TRPV4: variants seen among roughly 807,000 people sequenced by gnomAD.
The protein encoded by TRPV4 is OSM9-like transient receptor potential channel 4.
In TRPV4, 58 loss-of-function variants were observed where a neutral mutation model predicts 84.1. The observed-to-expected ratio is 0.69, with a 90% CI of 0.56 to 0.86. The LOEUF is 0.86. Ranked by LOEUF, TRPV4 falls within the 40% of genes least tolerant of loss-of-function variation. The pLI is 0.00. For missense variants in TRPV4, 879 were observed against 1,181.1 expected (o/e 0.74, Z 3.75); for synonymous variants, 489 against 500.9 (o/e 0.98, Z 0.32).
rs1245479748 is a variant in TRPV4, at chr12:109,800,593, C to G, written c.853+25G>C. 6.2e-6 allele frequency: 10 copies of G among 1,613,824 alleles called. No homozygotes were observed. The South Asian group carries it at 1.1e-4, about 18-fold the overall frequency. On this transcript the variant is annotated intron_variant, in intron 5 of 15. Transcript: ENST00000261740. ...CCGCCATGCTTCTCCAGCATGCTGTCAGCCCCCACCAGGCCCCTCCTTACC... is the reference window on the plus strand; with the variant it reads ...CCGCCATGCTTCTCCAGCATGCTGTGAGCCCCCACCAGGCCCCTCCTTACC...
intron 7 of TRPV4, among the ~76,000 whole-genome samples, chr12:109,795,816 C>T (rs1287290410): frequency 2.6e-5 from 4 of 152,102 alleles, no homozygotes; most frequent in East Asian, 3.8e-4. Flanking sequence ...GGCATGATCT[C>T]GGCTCACTGA....
chr12:109,815,091 C>T lies in TRPV4; in HGVS notation c.-31-264G>A, dbSNP rs1565884341. Among the ~76,000 whole-genome samples the T allele has an allele frequency of 6.6e-6, 1 of 152,238 alleles. No individual in the cohort carries two copies. Reference sequence around the variant, plus strand: ...TGGGCATTAGCTGAAAGAGGGTGGACTTCAGGGTCAAGCTGGGACCCCATA... The same window carrying T: ...TGGGCATTAGCTGAAAGAGGGTGGATTTCAGGGTCAAGCTGGGACCCCATA... On this transcript the variant is annotated intron_variant, in intron 1 of 15. Coordinates refer to ENST00000261740, the MANE Select transcript of TRPV4 (RefSeq NM_021625.5). The surrounding 1 kb of genome is among the most constrained non-coding windows in gnomAD (Gnocchi z 4.1).
chr12:109,805,515 A>G (rs2136580552), intron 3 of TRPV4, among the ~76,000 whole-genome samples: 1 of 152,104 alleles, frequency 6.6e-6, no homozygotes, highest in East Asian at 1.9e-4. Context: ...GGGGCTCTAA[A>G]TTGACAATTG....
chr12:109,830,451 G>C (rs1436427555), intron 1 of TRPV4, among the ~76,000 whole-genome samples: 1 of 152,218 alleles, frequency 6.6e-6, no homozygotes, highest in Non-Finnish European at 1.5e-5. Flanking sequence ...GCAACCCAGG[G>C]TTGGCTAAAG....
chr12:109,818,445 G>C (rs1246250676), intron 1 of TRPV4, among the ~76,000 whole-genome samples: 1 of 151,980 alleles, frequency 6.6e-6, no homozygotes, highest in Admixed American at 6.6e-5. Context: ...AGGAAACTGA[G>C]GCTCAGAGAG....
chr12:109,787,020 T>C (rs1873345222), intron 13 of TRPV4, among the ~76,000 whole-genome samples, 183 bp from the exon 14 acceptor site: 1 of 152,036 alleles, frequency 6.6e-6, no homozygotes, highest in Admixed American at 6.5e-5. Flanking sequence ...GGAAAACAAA[T>C]GGGTGAAACA....
Position 109,783,570 on chromosome 12 carries a change from C to G in TRPV4, c.*51G>C. ...CACCCCAGAAGGCACTGCTGAAATG[C>G]GGCTGGACTAGAAATGAGTGGGCAG... On this transcript the variant is annotated 3_prime_UTR_variant, in exon 16 of 16. Coordinates refer to ENST00000261740, the MANE Select transcript of TRPV4 (RefSeq NM_021625.5). The surrounding 1 kb of genome is among the most constrained non-coding windows in gnomAD (Gnocchi z 4.6). 6.3e-7 allele frequency: 1 copy of G among 1,589,468 alleles called. No homozygotes were observed.
At chr12:109,785,441 C>G (rs1351387939) in intron 14 of TRPV4, among the ~76,000 whole-genome samples, 3 of 151,622 alleles carry the variant, frequency 2.0e-5, no homozygotes, top group East Asian at 3.9e-4. Flanking sequence ...TGTTTTAAGG[C>G]AGAGTCTTGC....
At chr12:109,832,599 T>C (rs1892442218) in intron 1 of TRPV4, 1 of 152,554 alleles carries the variant, frequency 6.6e-6, no homozygotes, top group South Asian at 2.1e-4. Flanking sequence ...TGGGGCTGGA[T>C]AGTCCCTGGG....
Position 109,814,690 on chromosome 12 carries a change from A to G in TRPV4, c.107T>C (p.Leu36Pro). The G allele has an allele frequency of 2.5e-6, 4 of 1,611,454 alleles. No homozygotes were observed. The highest frequency in any genetic ancestry group is 3.4e-6 in the Non-Finnish European group (4 of 1,179,154). ...PGGEAFPLSS[L>P]ANLFEGEDGS... ...ATCCTCCCCCTCAAACAGATTGGCCAGGGAGGAGAGAGGAAAAGCCTCCCC... is the reference window on the plus strand; with the variant it reads ...ATCCTCCCCCTCAAACAGATTGGCCGGGGAGGAGAGAGGAAAAGCCTCCCC... Residue 36 changes from leucine (L) to proline (P), a missense_variant, in exon 2 of 16, where the codon CTG becomes CCG. This residue lies in a region of TRPV4 where 107 missense variants were observed against 99.4 expected (regional missense o/e 1.08). Transcript: ENST00000261740. The surrounding 1 kb of genome is among the most constrained non-coding windows in gnomAD (Gnocchi z 5.4).
intron 12 of TRPV4, among the ~76,000 whole-genome samples, chr12:109,789,181 C>T (rs915743531): frequency 1.3e-5 from 2 of 151,964 alleles, no homozygotes. Flanking sequence ...GTTTTTCCCA[C>T]CAGGGGACAT....
At chr12:109,800,803 C>A (rs1194144024) in intron 4 of TRPV4, 45 bp from the exon 5 acceptor site, 2 of 1,604,856 alleles carry the variant, frequency 1.2e-6, no homozygotes, top group Non-Finnish European at 8.5e-7. Flanking sequence ...GGAGCAGAGA[C>A]CTAGCCAGGC....
rs376436045 is a variant in TRPV4, at chr12:109,814,769, C to T, written c.28G>A (p.Ala10Thr). Residue 10 changes from alanine to threonine, a missense_variant, in exon 2 of 16, where the codon GCG (alanine) becomes ACG (threonine). Physicochemically the swap from Ala to Thr is moderately conservative, Grantham distance 58. Coordinates refer to ENST00000261740, the MANE Select transcript of TRPV4 (RefSeq NM_021625.5). The surrounding 1 kb of genome is among the most constrained non-coding windows in gnomAD (Gnocchi z 5.4). ...AGCTCAGCCACCTCCCCGGGCCCCG[C>T]GCGGGGGCCTTCGCTGGAATCCGCC... is the stretch of plus-strand genomic sequence containing the variant. Reference protein sequence around the residue: MADSSEGPRAGPGEVAELPG... With the variant: MADSSEGPRTGPGEVAELPG... 21 of 1,553,820 alleles carry T rather than the reference C, an allele frequency of 1.4e-5. No individual in the cohort carries two copies. The highest frequency in any genetic ancestry group is 5.8e-5 in the Admixed American group (3 of 51,758).
intron 10 of TRPV4, among the ~76,000 whole-genome samples, 176 bp from the exon 11 acceptor site, chr12:109,792,993 A>C (rs1452808608): frequency 6.6e-6 from 1 of 152,238 alleles, no homozygotes; most frequent in Non-Finnish European, 1.5e-5. Context: ...GTTAACAAGA[A>C]CATTCAATTA....
intron 7 of TRPV4, among the ~76,000 whole-genome samples, chr12:109,795,279 C>G (rs1890319287): frequency 6.6e-6 from 1 of 152,176 alleles, no homozygotes; most frequent in South Asian, 2.1e-4. Context: ...TCATACAGTT[C>G]CCTGGGTAGA....
chr12:109,825,475 CCT>C (rs1368581112), intron 1 of TRPV4, among the ~76,000 whole-genome samples: 1 of 152,034 alleles, frequency 6.6e-6, no homozygotes, highest in African/African-American at 2.4e-5. Context: ...GCTAACATTC[CCT>C]CAGTTTGCAG....
At position 109,798,039 on chromosome 12, in the gene TRPV4, G is replaced by A. The variant is rs1189222971; in HGVS notation, c.1152+575C>T. 1.3e-5 allele frequency among the ~76,000 whole-genome samples: 2 copies of A among 152,334 alleles called. No individual in the cohort carries two copies. Among genetic ancestry groups the A allele is most frequent in the East Asian group, 3.8e-4 (2 of 5,196 alleles). ...CTCCAGACTTGGTTCCCAATCCAGC[G>A]ATGGTGCCCCCCAGAGGACAATTCA... On this transcript the variant is annotated intron_variant, in intron 6 of 15. Coordinates refer to ENST00000261740, the MANE Select transcript of TRPV4 (RefSeq NM_021625.5). The surrounding 1 kb of genome is among the most constrained non-coding windows in gnomAD (Gnocchi z 5.0).
chr12:109,793,986 G>A lies in TRPV4; in HGVS notation c.1528C>T (p.Arg510Trp), dbSNP rs918220829. 19 of 1,610,436 alleles carry A rather than the reference G, an allele frequency of 1.2e-5. No homozygotes were observed. Among genetic ancestry groups the A allele is most frequent in the South Asian group, 4.5e-5 (4 of 89,646 alleles). The change falls in exon 9 of 16, where the codon CGG becomes TGG. Residue 510 changes from arginine to tryptophan, a missense_variant. Transcript: ENST00000261740. The surrounding 1 kb of genome is among the most constrained non-coding windows in gnomAD (Gnocchi z 4.0). The stretch of plus-strand genomic sequence containing the variant: ...AGCGTAATGACCTCGCCAGCCAGCC[G>A]CAGGTAGTCCACCGTGGTGCGGTAA... ...YPYRTTVDYL[R>W]LAGEVITLFT...
intron 1 of TRPV4, among the ~76,000 whole-genome samples, chr12:109,827,493 CT>C (rs552382562): frequency 6.2e-4 from 94 of 152,182 alleles, no homozygotes; most frequent in African/African-American, 2.1e-3. Context: ...CCCATGCCCC[CT>C]GTCCCACCCT....
Sources: allele counts gnomAD v4.1 joint callset (sites outside exome capture counted in the v4.1 genomes callset), GRCh38; gene constraint gnomAD v4.1.1; regional missense constraint gnomAD v4.1.1; non-coding constraint Gnocchi (gnomAD v3.1); transcripts MANE v1.5; gene names NCBI Gene and HGNC (gene_info 2026-07-23, HGNC 2026-07-21).